Variants in SWAP70 observed in about 807,000 individuals in gnomAD.
The protein encoded by SWAP70 is switch-associated protein 70.
SWAP70 carries 34 observed loss-of-function variants against 80.2 expected under a neutral mutation model. That is an observed-to-expected ratio of 0.42 (90% CI 0.32 to 0.56). The LOEUF (loss-of-function observed/expected upper bound fraction) is 0.56. Among genes scored for constraint, SWAP70 ranks in the 20% least tolerant of loss-of-function variants. SWAP70 has a pLI of 0.09. For synonymous variants in SWAP70, 239 were observed against 238.5 expected (o/e 1.00, Z -0.02); for missense variants, 578 against 690.7 (o/e 0.84, Z 1.83).
intron 1 of SWAP70, among the ~76,000 whole-genome samples, chr11:9,671,658 C>CTATGTATACATAGAAA (rs1850400278): frequency 7.4e-5 from 1 of 13,550 alleles, no homozygotes; most frequent in Non-Finnish European, 1.2e-4. Context: ...AAATATATTT[C>CTATGTATACATAGAAA]TATATAAATA....
At chr11:9,732,174 GTA>G (rs540532928) in intron 6 of SWAP70, among the ~76,000 whole-genome samples, 193 of 152,278 alleles carry the variant, frequency 1.3e-3, no homozygotes, top group African/African-American at 4.2e-3. Flanking sequence ...GGAGTCGAAA[GTA>G]TTGTCATTAG....
intron 6 of SWAP70, 82 bp downstream of exon 6, chr11:9,729,533 C>G (rs1383435921): frequency 6.5e-6 from 7 of 1,069,566 alleles, no homozygotes; most frequent in African/African-American, 4.8e-5. Flanking sequence ...GAGTCTTGCT[C>G]TGTTGCCCGG....
chr11:9,693,503 G>C (rs1003995798), intron 1 of SWAP70, among the ~76,000 whole-genome samples: 4 of 151,994 alleles, frequency 2.6e-5, no homozygotes, highest in Non-Finnish European at 5.9e-5. Context: ...ATCTAATCCA[G>C]GCCCTTGATT....
intron 1 of SWAP70, among the ~76,000 whole-genome samples, chr11:9,683,788 A>G (rs1373688754): frequency 6.6e-6 from 1 of 152,216 alleles, no homozygotes; most frequent in Non-Finnish European, 1.5e-5. Context: ...GCTGGAGGCT[A>G]TCAGCTTAAC....
intron 1 of SWAP70, among the ~76,000 whole-genome samples, chr11:9,664,802 G>A (rs1850289213): frequency 6.6e-6 from 1 of 152,222 alleles, no homozygotes. Flanking sequence ...GAAATGCCCC[G>A]AAGCCCGGCC....
At chr11:9,744,359 T>TA (rs1851483837) in intron 9 of SWAP70, among the ~76,000 whole-genome samples, 1 of 139,060 alleles carries the variant, frequency 7.2e-6, no homozygotes, top group African/African-American at 2.5e-5. Flanking sequence ...GTACATGAGA[T>TA]ATTTTGATAC....
chr11:9,671,771 A>AT (rs1199276614), intron 1 of SWAP70, among the ~76,000 whole-genome samples: 4 of 3,334 alleles, frequency 1.2e-3, no homozygotes, highest in Non-Finnish European at 4.3e-3. Context: ...TATATAATAT[A>AT]AATATAATAT....
At position 9,689,734 on chromosome 11, in the gene SWAP70, C is replaced by A. The variant is rs147403445; in HGVS notation, c.100-4412C>A. Among the ~76,000 whole-genome samples the A allele has an allele frequency of 4.7e-3, 720 of 152,294 alleles. 2 individuals are homozygous for A. Among genetic ancestry groups the A allele is most frequent in the Non-Finnish European group, 8.0e-3 (546 of 68,008 alleles). On this transcript the variant is annotated intron_variant, in intron 1 of 11. Coordinates refer to ENST00000318950, the MANE Select transcript of SWAP70 (RefSeq NM_015055.4). ...TAGTGCCTCTTAGTGCAGATTCCCC[C>A]AGAGGGATAGGGTGCTGGGAGATGA...
intron 1 of SWAP70, among the ~76,000 whole-genome samples, chr11:9,668,787 A>C (rs1015998249): frequency 7.2e-5 from 11 of 152,348 alleles, no homozygotes; most frequent in Admixed American, 7.2e-4. Context: ...GTATTCTAAA[A>C]TATTTTTGAT....
chr11:9,744,444 C>G (rs1851484629), intron 9 of SWAP70, among the ~76,000 whole-genome samples: 1 of 152,310 alleles, frequency 6.6e-6, no homozygotes, highest in South Asian at 2.1e-4. Context: ...CTTAGTCTTA[C>G]AAACAGTCCA....
intron 1 of SWAP70, among the ~76,000 whole-genome samples, chr11:9,680,346 G>A (rs929884360): frequency 1.3e-5 from 2 of 152,156 alleles, no homozygotes; most frequent in Non-Finnish European, 2.9e-5. Context: ...GAGTTGATAT[G>A]TACTTTAAGT....
chr11:9,748,666 A>G (rs1025074292), intron 10 of SWAP70, among the ~76,000 whole-genome samples: 1 of 151,454 alleles, frequency 6.6e-6, no homozygotes, highest in Non-Finnish European at 1.5e-5. Context: ...TCCCTTCAGC[A>G]CCCTCTACTG....
intron 2 of SWAP70, among the ~76,000 whole-genome samples, chr11:9,700,759 GA>G (rs1232412614): frequency 1.2e-4 from 19 of 152,160 alleles, no homozygotes; most frequent in Admixed American, 1.2e-3. Context: ...ATACATGGGG[GA>G]AATATTGGTC....
chr11:9,729,772 G>C (rs936494332), intron 6 of SWAP70, among the ~76,000 whole-genome samples: 1 of 152,082 alleles, frequency 6.6e-6, no homozygotes, highest in Non-Finnish European at 1.5e-5. Context: ...GATTACAGGC[G>C]TGAGCCACTA....
At position 9,724,684 on chromosome 11, in the gene SWAP70, A is replaced by G. The variant is rs763572921; in HGVS notation, c.441A>G (p.Thr147=). The G allele has an allele frequency of 1.2e-6, 2 of 1,613,588 alleles. No homozygotes were observed. The highest frequency in any genetic ancestry group is 1.7e-6 in the Non-Finnish European group (2 of 1,179,672). ...EEIEYLLKKL[T]EAMGGGWQQE... is the part of the protein sequence containing the mutation. ...TTGAATACCTGCTTAAGAAGCTTAC[A>G]GAAGCTATGGGAGGAGGTTGGCAGC... Residue 147 remains threonine, a synonymous_variant, in exon 4 of 12, where the codon ACA becomes ACG. Coordinates refer to ENST00000318950, the MANE Select transcript of SWAP70 (RefSeq NM_015055.4).
At chr11:9,678,746 A>G (rs937737457) in intron 1 of SWAP70, among the ~76,000 whole-genome samples, 4 of 151,940 alleles carry the variant, frequency 2.6e-5, no homozygotes, top group South Asian at 2.1e-4. Flanking sequence ...GCATGCCATC[A>G]CTCAATAGGT....
intron 3 of SWAP70, among the ~76,000 whole-genome samples, chr11:9,724,218 A>G (rs1222887623): frequency 2.6e-5 from 4 of 152,240 alleles, no homozygotes. Context: ...ATGAATTTTA[A>G]ATAATTGGCT....
At chr11:9,725,588 T>C (rs73412128) in intron 4 of SWAP70, among the ~76,000 whole-genome samples, 39,813 of 116,166 alleles carry the variant, frequency 0.34, 7,317 homozygotes, top group Non-Finnish European at 0.36. Context: ...TTTTTTTTTT[T>C]CCAAGACGGA....
At chr11:9,747,716 TG>T in intron 9 of SWAP70, 141 bp from the exon 10 acceptor site, 1 of 771,074 alleles carries the variant, frequency 1.3e-6, no homozygotes, top group Non-Finnish European at 2.2e-6. Context: ...TGAGCTTCTC[TG>T]GCTCCTGCTT....
Sources: allele counts gnomAD v4.1 joint callset (sites outside exome capture counted in the v4.1 genomes callset), GRCh38; gene constraint gnomAD v4.1.1; transcripts MANE v1.5; gene names NCBI Gene and HGNC (gene_info 2026-07-23, HGNC 2026-07-21).